The following ASIC2 variants were observed in gnomAD, a reference collection of about 807,000 sequenced individuals.
ASIC2 encodes the protein acid-sensing ion channel 2.
A neutral mutation model predicts 57.3 loss-of-function variants in ASIC2; 25 were observed. The observed-to-expected ratio is 0.44, with a 90% CI of 0.32 to 0.61. The LOEUF (loss-of-function observed/expected upper bound fraction) is 0.61, where lower values mean the gene tolerates loss of function less well. Among genes scored for constraint, ASIC2 ranks in the 20% least tolerant of loss-of-function variants. ASIC2 has a pLI of 0.06. For synonymous variants in ASIC2, 319 were observed against 307.5 expected, an observed-to-expected ratio of 1.04 and a Z score of -0.39; for missense variants, 641 against 738.1, an observed-to-expected ratio of 0.87 and a Z score of 1.52.
chr17:33,206,910 G>C (rs1002771028), intron 1 of ASIC2, among the ~76,000 whole-genome samples: 3 of 152,138 alleles, frequency 2.0e-5, no homozygotes, highest in African/African-American at 7.2e-5. Flanking sequence ...TGGTAGTGGA[G>C]AGCTCACGGG....
At chr17:34,128,128 G>A (rs1025224871) in intron 1 of ASIC2, among the ~76,000 whole-genome samples, 3 of 152,154 alleles carry the variant, frequency 2.0e-5, no homozygotes, top group Non-Finnish European at 4.4e-5. Context: ...GAAGGAGGTA[G>A]AGGATGAGAA....
chr17:33,151,453 A>G (rs1253880415), intron 1 of ASIC2, among the ~76,000 whole-genome samples: 1 of 82,630 alleles, frequency 1.2e-5, no homozygotes, highest in African/African-American at 7.8e-5. Flanking sequence ...TGACCTTAGA[A>G]AGTTCTCTTG....
At chr17:34,083,068 A>T (rs1029238183) in intron 1 of ASIC2, among the ~76,000 whole-genome samples, 3 of 151,580 alleles carry the variant, frequency 2.0e-5, no homozygotes, top group East Asian at 1.9e-4. Flanking sequence ...CATGTGCACA[A>T]TGTGCAGGTT....
intron 1 of ASIC2, among the ~76,000 whole-genome samples, chr17:33,517,997 G>A (rs1332447071): frequency 6.6e-6 from 1 of 152,184 alleles, no homozygotes; most frequent in Non-Finnish European, 1.5e-5. Context: ...AGCTGGCCTG[G>A]AAGTCCAGAG....
chr17:33,907,884 T>C lies in ASIC2; in HGVS notation c.555+248094A>G, dbSNP rs188548145. Among the ~76,000 whole-genome samples the C allele has an allele frequency of 3.9e-5, 6 of 152,326 alleles. No homozygotes were observed. In the East Asian group the frequency reaches 5.8e-4, roughly 15 times the overall value. Reference sequence around the variant, plus strand: ...TCAATTCAACAAGCATTTATGAATATTGATAATGGGCCACAGTGGGACAGC... The same window carrying C: ...TCAATTCAACAAGCATTTATGAATACTGATAATGGGCCACAGTGGGACAGC... On this transcript the variant is annotated intron_variant, in intron 1 of 9. Transcript: ENST00000359872.
chr17:33,159,531 C>A (rs949648232), intron 1 of ASIC2, among the ~76,000 whole-genome samples: 1 of 152,166 alleles, frequency 6.6e-6, no homozygotes, highest in South Asian at 2.1e-4. Context: ...AGTTCATACA[C>A]GGTCGCTAAA....
chr17:34,076,438 C>T (rs1909656863), intron 1 of ASIC2, among the ~76,000 whole-genome samples: 1 of 152,162 alleles, frequency 6.6e-6, no homozygotes, highest in Non-Finnish European at 1.5e-5. Flanking sequence ...TTTCCTTTCT[C>T]CAAGCTCATA....
At chr17:33,237,670 A>G (rs970659232) in intron 1 of ASIC2, among the ~76,000 whole-genome samples, 2 of 152,094 alleles carry the variant, frequency 1.3e-5, no homozygotes, top group Non-Finnish European at 2.9e-5. Context: ...CTTTGCTTTG[A>G]GCTTCAGTTT....
At chr17:33,059,956 T>G (rs1037396802) in intron 3 of ASIC2, among the ~76,000 whole-genome samples, 14 of 152,266 alleles carry the variant, frequency 9.2e-5, no homozygotes, top group African/African-American at 3.4e-4. Flanking sequence ...CATCAATGTC[T>G]TCTTCTGAGA....
chr17:33,304,212 T>A (rs1906076544), intron 1 of ASIC2, among the ~76,000 whole-genome samples: 1 of 151,868 alleles, frequency 6.6e-6, no homozygotes, highest in South Asian at 2.1e-4. Flanking sequence ...AAGTACTGAG[T>A]AAAAAAAGAT....
intron 1 of ASIC2, among the ~76,000 whole-genome samples, chr17:33,456,796 C>G (rs1912466954): frequency 6.6e-6 from 1 of 152,190 alleles, no homozygotes; most frequent in African/African-American, 2.4e-5. Context: ...GACAAACGTC[C>G]TTTCAAAGCC....
chr17:33,171,184 A>G (rs116639060), intron 1 of ASIC2, among the ~76,000 whole-genome samples: 2,288 of 152,302 alleles, frequency 0.015, 60 homozygotes, highest in African/African-American at 0.051. Flanking sequence ...CTCTGCCCCT[A>G]GCTTTCTCTA....
intron 3 of ASIC2, among the ~76,000 whole-genome samples, chr17:33,035,659 C>G (rs1209207445): frequency 3.9e-5 from 6 of 152,212 alleles, no homozygotes; most frequent in Non-Finnish European, 7.3e-5. Context: ...CTGAGTTGTT[C>G]ATCAAGATTT....
Position 33,242,046 on chromosome 17 carries a change from C to A in ASIC2, c.708+49362G>T, listed in dbSNP as rs75172579. 9.7e-3 allele frequency among the ~76,000 whole-genome samples: 1,481 copies of A among 152,310 alleles called. 51 individuals are homozygous for A. The East Asian group carries it at 0.12, about 13-fold the overall frequency. ...AAATAGGATTTATTCTGGCCAGGTG[C>A]AGTGGCTCACGCCTGTAATCCCAGC... On this transcript the variant is annotated intron_variant, in intron 1 of 9. Transcript: ENST00000225823.
At chr17:33,536,472 A>G (rs760613917) in intron 1 of ASIC2, among the ~76,000 whole-genome samples, 4 of 152,228 alleles carry the variant, frequency 2.6e-5, no homozygotes, top group Non-Finnish European at 5.9e-5. Flanking sequence ...GACAAATGCT[A>G]CAAAATAAGG....
chr17:33,139,247 G>C (rs1344703195), intron 1 of ASIC2, among the ~76,000 whole-genome samples: 1 of 152,230 alleles, frequency 6.6e-6, no homozygotes, highest in East Asian at 1.9e-4. Context: ...CTGCCTACCT[G>C]TTATCTCTCT....
chr17:33,294,627 A>G (rs544992704), upstream of ASIC2, among the ~76,000 whole-genome samples: 14 of 152,270 alleles, frequency 9.2e-5, no homozygotes, highest in East Asian at 1.5e-3. Flanking sequence ...ACAAACACAC[A>G]CACACACTAC....
chr17:33,799,479 C>A (rs796704895), intron 1 of ASIC2, among the ~76,000 whole-genome samples: 1 of 40,850 alleles, frequency 2.4e-5, no homozygotes, highest in Non-Finnish European at 5.2e-5. Flanking sequence ...TCTTTCTTTC[C>A]TTCTTTCTTT....
intron 1 of ASIC2, among the ~76,000 whole-genome samples, chr17:33,728,749 C>T (rs914778023): frequency 3.9e-5 from 6 of 152,044 alleles, no homozygotes; most frequent in Middle Eastern, 3.2e-3. Flanking sequence ...AATGAGTTGT[C>T]AGAGTAGATT....
Sources: gnomAD v4.1 joint callset for allele counts (sites outside exome capture counted in the v4.1 genomes callset) on GRCh38, gnomAD v4.1.1 for gene constraint, MANE v1.5 for transcripts, NCBI Gene and HGNC (gene_info 2026-07-23, HGNC 2026-07-21) for gene names.